SHROOM2: variants seen among roughly 807,000 people sequenced by gnomAD.
SHROOM2 encodes shroom family member 2.
In SHROOM2, 33 loss-of-function variants were observed where a neutral mutation model predicts 75.9. That is an observed-to-expected ratio of 0.43 (90% confidence interval 0.33 to 0.58). The LOEUF is 0.58. Among genes scored for constraint, SHROOM2 ranks in the 20% least tolerant of loss-of-function variants. The pLI, the probability that SHROOM2 is intolerant of heterozygous loss-of-function variation, is 0.04. For missense variants in SHROOM2, 1,434 were observed against 1,461.2 expected (o/e 0.98, Z 0.30); for synonymous variants, 655 against 663.6 (o/e 0.99, Z 0.20).
chrX:9,877,362 G>A (rs753256294), intron 2 of SHROOM2, among the ~76,000 whole-genome samples: 19 of 111,436 alleles, frequency 1.7e-4, no homozygotes, highest in South Asian at 3.8e-4. Context: ...TCCACGGCCC[G>A]AGATGTCAGG....
chrX:9,855,588 CT>C (rs2084065117), intron 1 of SHROOM2, among the ~76,000 whole-genome samples: 1 of 111,322 alleles, frequency 9.0e-6, no homozygotes, highest in Non-Finnish European at 1.9e-5. Flanking sequence ...GATTTTGTCC[CT>C]AAAAGGACTG....
At chrX:9,905,557 G>A (rs907960440) in intron 5 of SHROOM2, among the ~76,000 whole-genome samples, 4 of 113,325 alleles carry the variant, frequency 3.5e-5, no homozygotes, top group Admixed American at 9.3e-5. Context: ...GGACTGACGC[G>A]TGGGCGGTGA....
At chrX:9,814,884 A>T (rs1448188223) in intron 1 of SHROOM2, among the ~76,000 whole-genome samples, 3 of 111,521 alleles carry the variant, frequency 2.7e-5, no homozygotes, top group Non-Finnish European at 3.8e-5. Context: ...TGCATCTTTC[A>T]TTGAAGGTCA....
intron 6 of SHROOM2, among the ~76,000 whole-genome samples, chrX:9,936,783 C>G (rs979252218): frequency 8.9e-6 from 1 of 112,580 alleles, no homozygotes; most frequent in African/African-American, 3.2e-5. Flanking sequence ...TTTAACCCAA[C>G]AGGGCTTGTT....
At chrX:9,854,829 G>A (rs1244457354) in intron 1 of SHROOM2, among the ~76,000 whole-genome samples, 1 of 110,293 alleles carries the variant, frequency 9.1e-6, no homozygotes, top group Admixed American at 9.8e-5. Flanking sequence ...ACAGAAACAC[G>A]GGAGTTGGGC....
At chrX:9,863,164 A>G (rs956262826) in intron 1 of SHROOM2, among the ~76,000 whole-genome samples, 2 of 111,157 alleles carry the variant, frequency 1.8e-5, no homozygotes, top group African/African-American at 6.5e-5. Flanking sequence ...TCACCTGCCC[A>G]GGGCACATTC....
intron 1 of SHROOM2, among the ~76,000 whole-genome samples, chrX:9,868,249 A>G (rs7059319): frequency 0.032 from 3,347 of 105,673 alleles, 117 homozygotes; most frequent in African/African-American, 0.093. Context: ...TATTTTATTT[A>G]TTTATTTATT....
chrX:9,827,813 C>T (rs765372165), intron 1 of SHROOM2, among the ~76,000 whole-genome samples: 12 of 110,382 alleles, frequency 1.1e-4, no homozygotes, highest in Non-Finnish European at 1.9e-4. Context: ...AGGGTCCTTC[C>T]GGGTCGGGGT....
chrX:9,787,037 A>G (rs2083618202), intron 1 of SHROOM2, among the ~76,000 whole-genome samples: 1 of 111,168 alleles, frequency 9.0e-6, no homozygotes, highest in Non-Finnish European at 1.9e-5. Context: ...CCTGGAGGCC[A>G]GCGAAGGAAC....
chrX:9,839,158 A>G (rs141837095), intron 1 of SHROOM2, among the ~76,000 whole-genome samples: 1,999 of 111,520 alleles, frequency 0.018, 44 homozygotes, highest in African/African-American at 0.062. Flanking sequence ...ATACAGGAGT[A>G]TTGTTTCTGT....
chrX:9,896,801 C>T (rs773158749), intron 4 of SHROOM2, 103 bp downstream of exon 4: 4 of 903,872 alleles, frequency 4.4e-6, no homozygotes, highest in Non-Finnish European at 6.0e-6. Flanking sequence ...TCCAGCTGTG[C>T]GAGCATTTAC....
intron 5 of SHROOM2, among the ~76,000 whole-genome samples, chrX:9,910,781 C>A (rs769110565): frequency 1.8e-3 from 194 of 107,542 alleles, no homozygotes; most frequent in African/African-American, 6.4e-3. Context: ...GGTGCCACTG[C>A]GCTTTTGCCT....
At chrX:9,793,335 G>C (rs948095290) in intron 1 of SHROOM2, among the ~76,000 whole-genome samples, 9 of 107,709 alleles carry the variant, frequency 8.4e-5, no homozygotes, top group African/African-American at 2.4e-4. Flanking sequence ...TGCCACTCAG[G>C]CCAGAGTGCA....
intron 1 of SHROOM2, among the ~76,000 whole-genome samples, chrX:9,852,410 T>C (rs1302882612): frequency 8.9e-6 from 1 of 112,536 alleles, no homozygotes; most frequent in African/African-American, 3.2e-5. Flanking sequence ...AGCTCCTTGC[T>C]GGCTTTTCAT....
chrX:9,831,420 A>G (rs899481443), intron 1 of SHROOM2, among the ~76,000 whole-genome samples: 2 of 111,931 alleles, frequency 1.8e-5, no homozygotes, highest in Non-Finnish European at 3.8e-5. Context: ...GCACTTTGGG[A>G]GGCTGAGGTG....
At chrX:9,847,199 C>T (rs1348332028) in intron 1 of SHROOM2, among the ~76,000 whole-genome samples, 1 of 112,357 alleles carries the variant, frequency 8.9e-6, no homozygotes, top group African/African-American at 3.2e-5. Flanking sequence ...AGGAACTAAA[C>T]CTCAAAATTG....
chrX:9,928,140 T>G lies in SHROOM2; in HGVS notation c.2892-4035T>G, dbSNP rs754080005. Reference sequence around the variant, plus strand: ...GAGGTGCTGTTTTAGAGCTTCATGCTCTGTCTCCTTCAGTGGCGGCCAGCC... The same window carrying G: ...GAGGTGCTGTTTTAGAGCTTCATGCGCTGTCTCCTTCAGTGGCGGCCAGCC... On this transcript the variant is annotated intron_variant, in intron 5 of 9. Transcript: ENST00000380913. Among the ~76,000 whole-genome samples the G allele has an allele frequency of 1.2e-4, 13 of 112,014 alleles. No homozygotes were observed. In the South Asian group the frequency reaches 2.2e-3, roughly 19 times the overall value.
chrX:9,857,920 G>T (rs2084081424), intron 1 of SHROOM2, among the ~76,000 whole-genome samples: 1 of 110,867 alleles, frequency 9.0e-6, no homozygotes, highest in Admixed American at 9.6e-5. Flanking sequence ...AGTGCTCGAG[G>T]CTGTAGACCC....
intron 1 of SHROOM2, among the ~76,000 whole-genome samples, chrX:9,787,115 G>A (rs1314973811): frequency 8.9e-6 from 1 of 111,735 alleles, no homozygotes; most frequent in Non-Finnish European, 1.9e-5. Context: ...CCTTGGACCC[G>A]TGCCTGTGAT....
Sources: gnomAD v4.1 joint callset for allele counts (sites outside exome capture counted in the v4.1 genomes callset) on GRCh38, gnomAD v4.1.1 for gene constraint, MANE v1.5 for transcripts, NCBI Gene and HGNC (gene_info 2026-07-23, HGNC 2026-07-21) for gene names.